Variants in APBB1IP observed in about 807,000 individuals in gnomAD.
APBB1IP encodes the protein amyloid beta A4 precursor protein-binding family B member 1-interacting protein.
Under a neutral mutation model 64.9 loss-of-function variants are expected in APBB1IP, and 27 were observed. The observed-to-expected ratio is 0.42, with a 90% CI of 0.31 to 0.57. APBB1IP has a LOEUF of 0.57. Among genes scored for constraint, APBB1IP ranks in the 20% least tolerant of loss-of-function variants. The pLI is 0.20. For missense variants in APBB1IP, 812 were observed against 845.5 expected (o/e 0.96, Z 0.49); for synonymous variants, 392 against 331.0 (o/e 1.18, Z -2.00).
chr10:26,461,857 A>G (rs1387804216), intron 2 of APBB1IP, among the ~76,000 whole-genome samples: 1 of 152,022 alleles, frequency 6.6e-6, no homozygotes, highest in Non-Finnish European at 1.5e-5. Context: ...ATCTTTTGCC[A>G]TGTCATTTTC....
chr10:26,541,797 G>C (rs1347311732), intron 11 of APBB1IP, 105 bp downstream of exon 11: 1 of 805,794 alleles, frequency 1.2e-6, no homozygotes, highest in African/African-American at 1.8e-5. Flanking sequence ...GTAACAATAA[G>C]AAATTGTTTA....
chr10:26,459,603 T>C (rs938645600), intron 2 of APBB1IP, among the ~76,000 whole-genome samples: 1 of 152,354 alleles, frequency 6.6e-6, no homozygotes, highest in Non-Finnish European at 1.5e-5. Context: ...GCACCTGTTG[T>C]TTCCCGACTT....
At chr10:26,521,044 C>G (rs1394292184) in intron 8 of APBB1IP, among the ~76,000 whole-genome samples, 1 of 152,210 alleles carries the variant, frequency 6.6e-6, no homozygotes, top group Non-Finnish European at 1.5e-5. Flanking sequence ...AATAGGAGAT[C>G]ACCCCATTTT....
chr10:26,530,924 T>C (rs1315660168), intron 8 of APBB1IP, among the ~76,000 whole-genome samples: 2 of 152,216 alleles, frequency 1.3e-5, no homozygotes, highest in East Asian at 1.9e-4. Context: ...ACATTTAAGA[T>C]TTAAATAGTT....
At chr10:26,452,163 T>TAA (rs1835472607) in intron 2 of APBB1IP, among the ~76,000 whole-genome samples, 1 of 152,130 alleles carries the variant, frequency 6.6e-6, no homozygotes, top group East Asian at 1.9e-4. Flanking sequence ...AAAAAAAGTG[T>TAA]GTTTATTCCT....
chr10:26,544,342 A>G (rs1836734496), intron 11 of APBB1IP, among the ~76,000 whole-genome samples: 1 of 152,250 alleles, frequency 6.6e-6, no homozygotes, highest in African/African-American at 2.4e-5. Flanking sequence ...AACTGGCTGA[A>G]TCAGTCACTG....
chr10:26,533,544 A>G lies in APBB1IP; in HGVS notation c.900+19A>G, dbSNP rs1269948877. 1.7e-5 allele frequency: 26 copies of G among 1,528,074 alleles called. No homozygotes were observed. The highest frequency in any genetic ancestry group is 2.2e-5 in the Non-Finnish European group (25 of 1,126,558). The allele number at this position is 1,528,074 out of a possible 1,614,324, so 94.7% of individuals were successfully genotyped here. On this transcript the variant is annotated intron_variant, in intron 9 of 14. Transcript: ENST00000376236. The stretch of plus-strand genomic sequence containing the variant: ...ACTTGAGGTAAGGTTAATTTTGCAG[A>G]GTGGAAGAAAAGAGAAGGACGTTTG...
chr10:26,444,022 A>C (rs879316244), intron 2 of APBB1IP, among the ~76,000 whole-genome samples: 1 of 152,250 alleles, frequency 6.6e-6, no homozygotes, highest in Non-Finnish European at 1.5e-5. Flanking sequence ...TATAGGTATT[A>C]GTAAGCGAAA....
rs535775928 is a variant in APBB1IP at position 26,557,182 on chromosome 10, T to C, written c.1156-2923T>C. Among the ~76,000 whole-genome samples the C allele has an allele frequency of 4.6e-5, 7 of 152,306 alleles. No individual in the cohort carries two copies. The South Asian group carries it at 1.4e-3, about 32-fold the overall frequency. On this transcript the variant is annotated intron_variant, in intron 11 of 14. Transcript: ENST00000376236. ...GAGTAACATTTGCAAAAATAAAATC[T>C]AACATTCAGAATGAGGGAGTAAGCA...
intron 11 of APBB1IP, among the ~76,000 whole-genome samples, chr10:26,542,495 A>G (rs1836709050): frequency 6.6e-6 from 1 of 152,194 alleles, no homozygotes; most frequent in South Asian, 2.1e-4. Flanking sequence ...GATCAGTCTG[A>G]TCAGGAGATG....
intron 11 of APBB1IP, among the ~76,000 whole-genome samples, chr10:26,544,451 G>C (rs1014964542): frequency 3.3e-5 from 5 of 152,158 alleles, no homozygotes; most frequent in Non-Finnish European, 5.9e-5. Flanking sequence ...ATGGAGCCTA[G>C]GAATCTTCAT....
intron 8 of APBB1IP, among the ~76,000 whole-genome samples, chr10:26,524,994 C>A (rs1588603197): frequency 2.3e-5 from 2 of 85,896 alleles, no homozygotes; most frequent in African/African-American, 4.0e-5. Context: ...GGAATCCTGG[C>A]AAGAGAAAAA....
At chr10:26,456,681 A>C (rs1835529089) in intron 2 of APBB1IP, among the ~76,000 whole-genome samples, 1 of 139,068 alleles carries the variant, frequency 7.2e-6, no homozygotes, top group South Asian at 2.5e-4. Context: ...TGAGACTGCG[A>C]TGAGCCGTGA....
chr10:26,466,057 A>G (rs1182500308), intron 2 of APBB1IP, among the ~76,000 whole-genome samples: 5 of 152,150 alleles, frequency 3.3e-5, no homozygotes, highest in Admixed American at 3.3e-4. Context: ...AGCTGGGAAG[A>G]CTTGAGCAGT....
chr10:26,485,227 A>G (rs1027344104), intron 2 of APBB1IP, among the ~76,000 whole-genome samples: 1 of 152,228 alleles, frequency 6.6e-6, no homozygotes, highest in Non-Finnish European at 1.5e-5. Context: ...CTATAGCAGC[A>G]GCTTAGAAAC....
chr10:26,483,388 C>T (rs1292719842), intron 2 of APBB1IP, among the ~76,000 whole-genome samples: 1 of 152,114 alleles, frequency 6.6e-6, no homozygotes, highest in Non-Finnish European at 1.5e-5. Context: ...TTTCATTTCA[C>T]CTAGGGTGTG....
rs773955972 is a variant in APBB1IP at position 26,541,605 on chromosome 10, T to C, written c.1068T>C (p.Phe356=). Residue 356 remains phenylalanine (F), a synonymous_variant, in exon 11 of 15, where the codon TTT becomes TTC. Coordinates refer to ENST00000376236, the MANE Select transcript of APBB1IP (RefSeq NM_019043.4). The part of the protein sequence containing the change: ...KTKTSRDLAC[F]IQFENVNIYY... ...AGACATCTCGAGATCTGGCGTGTTT[T>C]ATACAGTTTGAAAATGTCAACATTT... is the stretch of plus-strand genomic sequence containing the variant. 1 of 1,611,842 alleles carries C rather than the reference T, an allele frequency of 6.2e-7. No homozygotes were observed. Among genetic ancestry groups the C allele is most frequent in the Non-Finnish European group, 8.5e-7 (1 of 1,179,348 alleles).
chr10:26,510,731 G>GACAC (rs1836241108), intron 6 of APBB1IP, among the ~76,000 whole-genome samples: 1 of 121,656 alleles, frequency 8.2e-6, no homozygotes, highest in African/African-American at 4.2e-5. Context: ...GCAAGACCCT[G>GACAC]TCTCACACAC....
At chr10:26,454,305 G>T (rs1016570133) in intron 2 of APBB1IP, among the ~76,000 whole-genome samples, 4 of 152,082 alleles carry the variant, frequency 2.6e-5, no homozygotes, top group African/African-American at 7.2e-5. Context: ...GCCGGGCGTG[G>T]TGGTGGATGC....
Sources: gnomAD v4.1 joint callset for allele counts (sites outside exome capture counted in the v4.1 genomes callset) on GRCh38, gnomAD v4.1.1 for gene constraint, MANE v1.5 for transcripts, NCBI Gene and HGNC (gene_info 2026-07-23, HGNC 2026-07-21) for gene names.